Variants in MCM5 observed in about 807,000 individuals in gnomAD.
The protein encoded by MCM5 is minichromosome maintenance complex component 5.
A neutral mutation model predicts 79.9 loss-of-function variants in MCM5; 46 were observed. The ratio of observed to expected loss-of-function variants is 0.58; its 90% CI spans 0.45 to 0.74. MCM5 has a LOEUF of 0.74. Among genes scored for constraint, MCM5 ranks in the 30% least tolerant of loss-of-function variants. The pLI is 0.00. For missense variants in MCM5, 883 were observed against 1,017.0 expected (o/e 0.87, Z 1.79); for synonymous variants, 404 against 390.5 (o/e 1.03, Z -0.41).
Position 35,413,926 on chromosome 22 carries a change from G to A in MCM5, c.1143G>A (p.Gly381=). The A allele has an allele frequency of 6.2e-7, 1 of 1,614,112 alleles. No homozygotes were observed. Among genetic ancestry groups the A allele is most frequent in the Non-Finnish European group, 8.5e-7 (1 of 1,179,984 alleles). Residue 381 remains glycine, a synonymous_variant, in exon 9 of 17, where the codon GGG becomes GGA. Transcript: ENST00000216122. ...GAGACATCAACCTGCTGATGCTAGGGGACCCTGGGACAGCCAAGTCCCAGC... is the reference window on the plus strand; with the variant it reads ...GAGACATCAACCTGCTGATGCTAGGAGACCCTGGGACAGCCAAGTCCCAGC... ...RRGDINLLML[G]DPGTAKSQLL... is the part of the protein sequence containing the mutation.
In MCM5 at chr22:35,416,666, G is replaced by A. The variant is rs771206905; in HGVS notation, c.1442G>A (p.Arg481His). The A allele has an allele frequency of 8.1e-6, 13 of 1,613,866 alleles. No individual in the cohort carries two copies. Among genetic ancestry groups the A allele is most frequent in the East Asian group, 4.5e-5 (2 of 44,882 alleles). ...KAGITTTLNSRCSVLAAANSV... is the reference protein window; with the variant it reads ...KAGITTTLNSHCSVLAAANSV... ...GGGATCACCACCACCCTGAACTCCC[G>A]CTGCTCCGTCCTGGCTGCTGCCAAC... Residue 481 changes from arginine to histidine, a missense_variant, in exon 12 of 17, where the codon CGC becomes CAC. Arg to His is a conservative substitution (Grantham distance 29). This residue lies in a region of MCM5 where 426 missense variants were observed against 482.3 expected (regional missense o/e 0.88). Coordinates refer to ENST00000216122, the MANE Select transcript of MCM5 (RefSeq NM_006739.4).
the MCM5 span, among the ~76,000 whole-genome samples, chr22:35,452,868 C>T: frequency 2.0e-5 from 3 of 152,222 alleles, no homozygotes; most frequent in Non-Finnish European, 2.9e-5. Flanking sequence ...GTGTCCCGTC[C>T]GCCTTGCATG....
chr22:35,439,371 TCATC>T, the MCM5 span, among the ~76,000 whole-genome samples: 3 of 145,074 alleles, frequency 2.1e-5, no homozygotes, highest in Admixed American at 2.1e-4. Context: ...ACCCACATAT[TCATC>T]CATCTATCCA....
At position 35,421,301 on chromosome 22, in the gene MCM5, C is replaced by T. The variant is rs751285389; in HGVS notation, c.1833-17C>T. 2.4e-5 allele frequency: 38 copies of T among 1,609,538 alleles called. No homozygotes were observed. Among genetic ancestry groups the T allele is most frequent in the Admixed American group, 1.5e-4 (9 of 59,962 alleles). ...TAGCGGACCGAGGCTACCCTGAGCA[C>T]GCTGTTGCCCCCACAGGCAGCTGGA... On this transcript the variant is annotated splice_polypyrimidine_tract_variant and intron_variant, in intron 14 of 16. Transcript: ENST00000216122.
At chr22:35,423,970 C>A (rs1932753037) in intron 16 of MCM5, 184 bp from the exon 17 acceptor site, 2 of 551,474 alleles carry the variant, frequency 3.6e-6, no homozygotes, top group Admixed American at 3.6e-5. Context: ...TTGCTGTGAC[C>A]TTGAGCAAGT....
At chr22:35,420,594 G>C (rs1932669711) in intron 14 of MCM5, among the ~76,000 whole-genome samples, 1 of 152,242 alleles carries the variant, frequency 6.6e-6, no homozygotes, top group Non-Finnish European at 1.5e-5. Flanking sequence ...ATGGGGACTG[G>C]TGTGAGGACT....
rs779487985 is a variant in MCM5, at chr22:35,400,412, C to T, written c.-8-19C>T. The stretch of plus-strand genomic sequence containing the variant: ...AGGCGCTGCCCCCAGCCTGTTCTGG[C>T]CGTTTGTTCCCACCCCAGGCGCAGT... On this transcript the variant is annotated intron_variant, in intron 1 of 16. Transcript: ENST00000216122. The T allele has an allele frequency of 5.0e-6, 8 of 1,613,856 alleles. No homozygotes were observed. The highest frequency in any genetic ancestry group is 6.8e-6 in the Non-Finnish European group (8 of 1,179,850).
the MCM5 span, among the ~76,000 whole-genome samples, chr22:35,444,299 T>G: frequency 6.8e-6 from 1 of 146,060 alleles, no homozygotes; most frequent in African/African-American, 2.6e-5. Context: ...GGCTGAGGAG[T>G]GAAGGCTGCC....
At chr22:35,450,563 C>T in the MCM5 span, among the ~76,000 whole-genome samples, 1 of 152,158 alleles carries the variant, frequency 6.6e-6, no homozygotes, top group Non-Finnish European at 1.5e-5. Flanking sequence ...CAAATGGCCA[C>T]CTTCAGGGTT....
At chr22:35,451,890 G>A in the MCM5 span, among the ~76,000 whole-genome samples, 2 of 152,316 alleles carry the variant, frequency 1.3e-5, no homozygotes, top group South Asian at 4.1e-4. Context: ...CTGATTCCAG[G>A]GAATCCAGGC....
intron 5 of MCM5, among the ~76,000 whole-genome samples, chr22:35,407,040 C>T (rs946894802): frequency 1.3e-5 from 2 of 152,192 alleles, no homozygotes; most frequent in Non-Finnish European, 2.9e-5. Flanking sequence ...CTATGGTTTG[C>T]TCACTAGGCC....
At chr22:35,431,715 A>T in the MCM5 span, among the ~76,000 whole-genome samples, 1 of 152,020 alleles carries the variant, frequency 6.6e-6, no homozygotes, top group African/African-American at 2.4e-5. Context: ...ACTCAAACTC[A>T]TGGGTGAGTT....
chr22:35,409,043 A>G (rs1932300411), intron 6 of MCM5, among the ~76,000 whole-genome samples: 1 of 151,836 alleles, frequency 6.6e-6, no homozygotes, highest in African/African-American at 2.4e-5. Context: ...GCTCACTGCA[A>G]GCTCCACCTC....
downstream of MCM5, among the ~76,000 whole-genome samples, chr22:35,428,780 T>TA (rs1932793625): frequency 6.6e-6 from 1 of 151,834 alleles, no homozygotes; most frequent in South Asian, 2.1e-4. Flanking sequence ...ATTTCATACT[T>TA]ACTAGTTGTT....
At chr22:35,442,215 C>A in the MCM5 span, among the ~76,000 whole-genome samples, 1 of 152,068 alleles carries the variant, frequency 6.6e-6, no homozygotes, top group Admixed American at 6.6e-5. Flanking sequence ...CCAGTGCCAG[C>A]GGAAGGCCCA....
downstream of MCM5, among the ~76,000 whole-genome samples, chr22:35,429,167 G>A (rs1314372834): frequency 6.6e-6 from 1 of 151,602 alleles, no homozygotes; most frequent in Admixed American, 6.6e-5. Flanking sequence ...TGTATTTTTA[G>A]TAGAGACAAG....
At chr22:35,428,180 C>G (rs577311386), downstream of MCM5, among the ~76,000 whole-genome samples, 109 of 151,854 alleles carry the variant, frequency 7.2e-4, no homozygotes, top group Middle Eastern at 3.4e-3. Context: ...ACCACCACAC[C>G]CAGCTAATTT....
chr22:35,420,072 T>C lies in MCM5; in HGVS notation c.1832+60T>C, dbSNP rs1363759556. Reference sequence around the variant, plus strand: ...GGGGCTTGCTTTACACAGCAGGGTGTGCTTGGCAACCAGGGGCAGTGGTCC... The same window carrying C: ...GGGGCTTGCTTTACACAGCAGGGTGCGCTTGGCAACCAGGGGCAGTGGTCC... On this transcript the variant is annotated intron_variant, in intron 14 of 16. Transcript: ENST00000216122. The C allele has an allele frequency of 5.2e-6, 8 of 1,530,460 alleles. No homozygotes were observed. In the East Asian group the frequency reaches 1.9e-4, roughly 36 times the overall value. The allele number at this position is 1,530,460 out of a possible 1,614,324, so 94.8% of individuals were successfully genotyped here.
intron 16 of MCM5, 144 bp from the exon 17 acceptor site, chr22:35,424,010 G>GGCAC: frequency 1.7e-6 from 1 of 594,786 alleles, no homozygotes; most frequent in Non-Finnish European, 3.0e-6. Context: ...TCAGTGTCTG[G>GGCAC]TACACAGTGG....
Sources: gnomAD v4.1 joint callset for allele counts (sites outside exome capture counted in the v4.1 genomes callset) on GRCh38, gnomAD v4.1.1 for gene constraint, gnomAD v4.1.1 regional missense constraint, MANE v1.5 for transcripts, NCBI Gene and HGNC (gene_info 2026-07-23, HGNC 2026-07-21) for gene names.